Variants in PADI2 observed in about 807,000 individuals in gnomAD.
PADI2 encodes peptidyl arginine deiminase 2.
A neutral mutation model predicts 81.1 loss-of-function variants in PADI2; 70 were observed. The observed-to-expected ratio is 0.86, with a 90% confidence interval of 0.71 to 1.05. PADI2 has a LOEUF of 1.05. Among genes scored for constraint, PADI2 ranks in the 50% least tolerant of loss-of-function variants. The pLI is 0.00. For missense variants in PADI2, 853 were observed against 889.9 expected (o/e 0.96, Z 0.53); for synonymous variants, 338 against 358.0 (o/e 0.94, Z 0.63).
At chr1:17,100,887 C>G (rs1359036028) in intron 3 of PADI2, among the ~76,000 whole-genome samples, 1 of 151,676 alleles carries the variant, frequency 6.6e-6, no homozygotes, top group Non-Finnish European at 1.5e-5. Flanking sequence ...GTCTCAAACT[C>G]CTGACCTCAT....
intron 15 of PADI2, among the ~76,000 whole-genome samples, chr1:17,069,808 C>G (rs1453029529): frequency 6.6e-6 from 1 of 152,186 alleles, no homozygotes; most frequent in African/African-American, 2.4e-5. Flanking sequence ...AACAGAAATC[C>G]CTCCTGTACA....
At chr1:17,112,302 G>T (rs58013476) in intron 1 of PADI2, among the ~76,000 whole-genome samples, 1 of 152,040 alleles carries the variant, frequency 6.6e-6, no homozygotes, top group African/African-American at 2.4e-5. Flanking sequence ...GTCTTGGCTC[G>T]GTCAGTGGGG....
chr1:17,090,070 G>A (rs183091683), intron 6 of PADI2, among the ~76,000 whole-genome samples: 23 of 152,320 alleles, frequency 1.5e-4, no homozygotes, highest in East Asian at 1.3e-3. Context: ...AGTGCTTGGT[G>A]TTTTGGGCAG....
chr1:17,085,361 T>C (rs1269734880), intron 7 of PADI2, among the ~76,000 whole-genome samples: 6 of 152,112 alleles, frequency 3.9e-5, no homozygotes, highest in Admixed American at 3.3e-4. Flanking sequence ...GTGGGACTGT[T>C]GCACGGCTTG....
chr1:17,092,308 G>C (rs895947851), intron 6 of PADI2, 100 bp downstream of exon 6: 1 of 976,494 alleles, frequency 1.0e-6, no homozygotes, highest in Non-Finnish European at 1.5e-6. Flanking sequence ...ACCAATCCAG[G>C]TCTTCCCCAG....
At chr1:17,086,947 A>C (rs1255208577) in intron 6 of PADI2, among the ~76,000 whole-genome samples, 1 of 152,168 alleles carries the variant, frequency 6.6e-6, no homozygotes, top group Non-Finnish European at 1.5e-5. Flanking sequence ...CCATCTATAA[A>C]ATAAGCAAGC....
rs370561095 is a variant in PADI2 at position 17,104,466 on chromosome 1, GCT to G, written c.276+410_276+411del. On this transcript the variant is annotated intron_variant, in intron 2 of 15. Transcript: ENST00000375486. Reference sequence around the variant, plus strand: ...TTTTTTTTTTTTGAGACGGAGTCTCGCTCTGTCGCCCAGGCTGGAGTGCAGTG... The same window carrying G: ...TTTTTTTTTTTTGAGACGGAGTCTCGCTGTCGCCCAGGCTGGAGTGCAGTG... Among the ~76,000 whole-genome samples the G allele has an allele frequency of 5.1e-3, 480 of 93,386 alleles. 3 individuals are homozygous for G. The highest frequency in any genetic ancestry group is 0.026 in the Middle Eastern group (2 of 76). 61.3% of individuals were successfully genotyped at this position (93,386 alleles called of 152,430 possible).
At chr1:17,097,029 C>T (rs536736039) in intron 3 of PADI2, among the ~76,000 whole-genome samples, 11 of 152,256 alleles carry the variant, frequency 7.2e-5, no homozygotes, top group Admixed American at 3.3e-4. Flanking sequence ...CCTTGGGAGG[C>T]GAAATTGCCT....
At position 17,118,274 on chromosome 1, in the gene PADI2, G is replaced by T. The variant is rs1005753; in HGVS notation, c.92+1006C>A. ...GGGGACTCATCCGGTGTCAGCACAG[G>T]GTCCCACCTCAGAGTCCTGCATGCT... On this transcript the variant is annotated intron_variant, in intron 1 of 15. Transcript: ENST00000375486. Among the ~76,000 whole-genome samples the T allele has an allele frequency of 0.56, 84,450 of 151,888 alleles. 25,077 individuals are homozygous for T. Among genetic ancestry groups the T allele is most frequent in the East Asian group, 0.87 (4,485 of 5,148 alleles).
rs912156108 is a variant in PADI2, at chr1:17,082,499, A to G, written c.1158+46T>C. ...CTCCTGACCACTCTGTCTTATGAGA[A>G]TCTCCAGGATCATGCTCCACCCGCA... On this transcript the variant is annotated intron_variant, in intron 10 of 15. Coordinates refer to ENST00000375486, the MANE Select transcript of PADI2 (RefSeq NM_007365.3). The G allele has an allele frequency of 3.3e-6, 4 of 1,216,272 alleles. No individual in the cohort carries two copies. The South Asian group carries it at 4.8e-5, about 15-fold the overall frequency. The allele number at this position is 1,216,272 out of a possible 1,614,324, so 75.3% of individuals were successfully genotyped here. A position where few individuals can be genotyped will look rare whatever the true frequency, so the allele number is the denominator to read the frequency against.
chr1:17,093,720 T>C, intron 4 of PADI2, 36 bp from the exon 5 acceptor site: 1 of 1,271,080 alleles, frequency 7.9e-7, no homozygotes, highest in Non-Finnish European at 1.2e-6. Flanking sequence ...TGCCCTCTTC[T>C]CTATGCTTGT....
intron 11 of PADI2, among the ~76,000 whole-genome samples, chr1:17,077,943 C>G (rs971983344): frequency 2.6e-5 from 4 of 152,042 alleles, no homozygotes; most frequent in African/African-American, 9.7e-5. Flanking sequence ...CATGGACAGG[C>G]CAGGGAGCCA....
At chr1:17,104,760 G>C in intron 2 of PADI2, 118 bp downstream of exon 2, 2 of 905,732 alleles carry the variant, frequency 2.2e-6, no homozygotes, top group Non-Finnish European at 3.2e-6. Context: ...TGTGGTTACT[G>C]CAGAACTGAA....
At chr1:17,096,442 A>G (rs1930935458) in intron 3 of PADI2, among the ~76,000 whole-genome samples, 1 of 152,266 alleles carries the variant, frequency 6.6e-6, no homozygotes, top group Non-Finnish European at 1.5e-5. Context: ...GGGCATGCGC[A>G]TAGGTGTGCA....
At chr1:17,112,257 T>C (rs1397542061) in intron 1 of PADI2, among the ~76,000 whole-genome samples, 3 of 152,072 alleles carry the variant, frequency 2.0e-5, no homozygotes, top group Non-Finnish European at 4.4e-5. Flanking sequence ...GTCCCACAAA[T>C]GCTTTGTGGT....
chr1:17,106,984 T>TC (rs35960604), intron 1 of PADI2, among the ~76,000 whole-genome samples: 9,967 of 151,856 alleles, frequency 0.066, 421 homozygotes, highest in South Asian at 0.17. Context: ...GATGAATTTG[T>TC]TTTTAAGCCA....
chr1:17,093,545 C>T, intron 5 of PADI2, 22 bp downstream of exon 5: 1 of 1,458,138 alleles, frequency 6.9e-7, no homozygotes, highest in Non-Finnish European at 9.6e-7. Flanking sequence ...TCCTGCCCCC[C>T]AAGTGCAGGG....
chr1:17,073,786 G>T (rs2078281635), intron 13 of PADI2, among the ~76,000 whole-genome samples: 1 of 152,134 alleles, frequency 6.6e-6, no homozygotes, highest in African/African-American at 2.4e-5. Context: ...AAAGAAGTAT[G>T]AGGAATTGGC....
chr1:17,113,683 G>A (rs562575647), intron 1 of PADI2, among the ~76,000 whole-genome samples: 1 of 152,352 alleles, frequency 6.6e-6, no homozygotes, highest in Admixed American at 6.5e-5. Context: ...GGGAGTCTGA[G>A]ACACAGAGAA....
Sources: allele counts gnomAD v4.1 joint callset (sites outside exome capture counted in the v4.1 genomes callset), GRCh38; gene constraint gnomAD v4.1.1; transcripts MANE v1.5; gene names NCBI Gene and HGNC (gene_info 2026-07-23, HGNC 2026-07-21).